Variants in PKIG observed in about 807,000 individuals in gnomAD.
PKIG encodes the protein cAMP-dependent protein kinase inhibitor gamma.
Under a neutral mutation model 6.8 loss-of-function variants are expected in PKIG, and 1 was observed. That is an observed-to-expected ratio of 0.15 (90% CI 0.05 to 0.69). The LOEUF (loss-of-function observed/expected upper bound fraction) is 0.69, where lower values mean the gene tolerates loss of function less well. PKIG is among the 30% of genes least tolerant of loss of function. PKIG has a pLI of 0.82. For missense variants in PKIG, 77 were observed against 104.0 expected (o/e 0.74, Z 1.13); for synonymous variants, 39 against 43.0 (o/e 0.91, Z 0.36).
chr20:44,537,639 G>A (rs1264363145), intron 1 of PKIG, among the ~76,000 whole-genome samples: 4 of 150,490 alleles, frequency 2.7e-5, no homozygotes, highest in African/African-American at 9.8e-5. Flanking sequence ...GTGCAGTGGT[G>A]CGATTTTGGC....
intron 3 of PKIG, among the ~76,000 whole-genome samples, chr20:44,615,379 C>T (rs1423823173): frequency 6.6e-6 from 1 of 152,266 alleles, no homozygotes; most frequent in Non-Finnish European, 1.5e-5. Flanking sequence ...GACAAGGTCT[C>T]AGGGGTCTAA....
chr20:44,576,457 C>T (rs1015825614), intron 1 of PKIG, among the ~76,000 whole-genome samples: 2 of 152,076 alleles, frequency 1.3e-5, no homozygotes, highest in African/African-American at 4.8e-5. Flanking sequence ...GATATTTAAT[C>T]TGAAATCTGA....
intron 1 of PKIG, among the ~76,000 whole-genome samples, chr20:44,548,642 G>A (rs2064638149): frequency 6.6e-6 from 1 of 151,930 alleles, no homozygotes; most frequent in Admixed American, 6.6e-5. Flanking sequence ...AATATAAACA[G>A]CATCTTTATT....
chr20:44,612,932 T>C (rs965143311), intron 2 of PKIG, among the ~76,000 whole-genome samples: 30 of 152,090 alleles, frequency 2.0e-4, no homozygotes, highest in African/African-American at 7.0e-4. Flanking sequence ...CTAGAGTAAA[T>C]CATGGCCCAT....
intron 1 of PKIG, among the ~76,000 whole-genome samples, chr20:44,533,818 G>A (rs2064488984): frequency 6.6e-6 from 1 of 152,220 alleles, no homozygotes; most frequent in African/African-American, 2.4e-5. Context: ...GTATAGTAAT[G>A]AAGGCCAAAG....
intron 1 of PKIG, among the ~76,000 whole-genome samples, chr20:44,547,163 T>C (rs544255218): frequency 6.6e-6 from 1 of 152,374 alleles, no homozygotes; most frequent in South Asian, 2.1e-4. Context: ...TATTATTGCA[T>C]AGACATCTTC....
In PKIG at chr20:44,608,554, A is replaced by G. The variant is rs559367096; in HGVS notation, c.-23-5980A>G. Among the ~76,000 whole-genome samples the G allele has an allele frequency of 3.3e-5, 5 of 152,314 alleles. No individual in the cohort carries two copies. The South Asian group carries it at 1.0e-3, about 32-fold the overall frequency. ...GCAGTGGCTTAGGCCTGTAATCCCA[A>G]CACTTTGGAAGTCCGAGGCAGGAGG... On this transcript the variant is annotated intron_variant, in intron 2 of 3. Transcript: ENST00000372886.
chr20:44,574,770 C>T (rs1322267179), intron 1 of PKIG, among the ~76,000 whole-genome samples: 1 of 151,780 alleles, frequency 6.6e-6, no homozygotes, highest in Non-Finnish European at 1.5e-5. Context: ...GACAGGGTTT[C>T]ACCATATTAG....
intron 1 of PKIG, among the ~76,000 whole-genome samples, chr20:44,583,095 G>A (rs976797615): frequency 6.6e-6 from 1 of 152,128 alleles, no homozygotes; most frequent in Non-Finnish European, 1.5e-5. Context: ...GATTACAAAG[G>A]TGGTATAATA....
chr20:44,591,915 G>A (rs991136341), intron 2 of PKIG, among the ~76,000 whole-genome samples: 9 of 152,196 alleles, frequency 5.9e-5, no homozygotes, highest in Non-Finnish European at 1.0e-4. Flanking sequence ...GATGAGAGCA[G>A]TGAAGAAGCC....
At chr20:44,553,416 A>C (rs532889157) in intron 1 of PKIG, among the ~76,000 whole-genome samples, 1 of 152,276 alleles carries the variant, frequency 6.6e-6, no homozygotes, top group South Asian at 2.1e-4. Flanking sequence ...TGGTTGCCTT[A>C]AGTTGAACCT....
In PKIG at chr20:44,593,199, G is replaced by A. The variant is rs59434057; in HGVS notation, c.-24+3333G>A. Among the ~76,000 whole-genome samples, 1,122 of 151,822 alleles carry A rather than the reference G, an allele frequency of 7.4e-3. 15 individuals carry two copies. Among genetic ancestry groups the A allele is most frequent in the African/African-American group, 0.025 (1,041 of 41,388 alleles). The stretch of plus-strand genomic sequence containing the variant: ...CCAAAAAGTAGCTGGGCATGGTGGC[G>A]TGCACCTGTAGTCCCAGCTACTCAG... On this transcript the variant is annotated intron_variant, in intron 2 of 3. Transcript: ENST00000372886.
chr20:44,610,543 T>G (rs244087), intron 2 of PKIG, among the ~76,000 whole-genome samples: 2,602 of 133,644 alleles, frequency 0.019, 64 homozygotes, highest in African/African-American at 0.072. Context: ...CAGCACTTAC[T>G]GGCTCAACCC....
Position 44,618,380 on chromosome 20 carries a change from A to G in PKIG, c.*16A>G. 1 of 1,576,248 alleles carries G rather than the reference A, an allele frequency of 6.3e-7. No individual in the cohort carries two copies. Among genetic ancestry groups the G allele is most frequent in the Non-Finnish European group, 8.7e-7 (1 of 1,145,376 alleles). On this transcript the variant is annotated 3_prime_UTR_variant, in exon 4 of 4. Transcript: ENST00000372886. ...CTCGTCTTGAATCTGACCTTGTCCA[A>G]GAAGGCTGGACGAGAGACCTTCTGT...
At position 44,610,655 on chromosome 20, in the gene PKIG, A is replaced by G. The variant is rs546944346; in HGVS notation, c.-23-3879A>G. 5.3e-5 allele frequency among the ~76,000 whole-genome samples: 8 copies of G among 152,360 alleles called. No homozygotes were observed. The South Asian group carries it at 1.4e-3, about 28-fold the overall frequency. ...AAAACTTCAACCATTGAAAAAATATAGACTTAGAAAACGAAAGTTCCCCTT... is the reference window on the plus strand; with the variant it reads ...AAAACTTCAACCATTGAAAAAATATGGACTTAGAAAACGAAAGTTCCCCTT... On this transcript the variant is annotated intron_variant, in intron 2 of 3. Coordinates refer to ENST00000372886, the MANE Select transcript of PKIG (RefSeq NM_001281445.2).
intron 2 of PKIG, among the ~76,000 whole-genome samples, chr20:44,597,646 A>G (rs1240479442): frequency 6.6e-6 from 1 of 152,200 alleles, no homozygotes; most frequent in Non-Finnish European, 1.5e-5. Flanking sequence ...GGTCTCTGGA[A>G]AGCAGCAGAA....
intron 2 of PKIG, among the ~76,000 whole-genome samples, chr20:44,594,182 A>G (rs920360837): frequency 1.3e-5 from 2 of 152,236 alleles, no homozygotes; most frequent in African/African-American, 2.4e-5. Flanking sequence ...CAGCTACACC[A>G]AAACGACTTC....
chr20:44,544,925 CTTTTTTTTT>C (rs796482642), intron 1 of PKIG, among the ~76,000 whole-genome samples: 61 of 64,386 alleles, frequency 9.5e-4, no homozygotes, highest in Non-Finnish European at 1.2e-3. Flanking sequence ...TTCCTTCTTT[CTTTTTTTTT>C]TTTTTTTTTT....
chr20:44,610,498 T>TCACACACACACACACA (rs1379954369), intron 2 of PKIG, among the ~76,000 whole-genome samples: 57 of 119,620 alleles, frequency 4.8e-4, no homozygotes, highest in African/African-American at 1.9e-3. Flanking sequence ...TCTCTCTCTC[T>TCACACACACACACACA]CTCACACACA....
Sources: allele counts gnomAD v4.1 joint callset (sites outside exome capture counted in the v4.1 genomes callset), GRCh38; gene constraint gnomAD v4.1.1; transcripts MANE v1.5; gene names NCBI Gene and HGNC (gene_info 2026-07-23, HGNC 2026-07-21).